CMIP: variants seen among roughly 807,000 people sequenced by gnomAD.
CMIP encodes c-Maf inducing protein.
Under a neutral mutation model 97.3 loss-of-function variants are expected in CMIP, and 13 were observed. The observed-to-expected ratio is 0.13, with a 90% CI of 0.09 to 0.21. CMIP has a LOEUF of 0.21. CMIP is among the 10% of genes least tolerant of loss of function. The pLI is 1.00. For missense variants in CMIP, 847 were observed against 1,024.9 expected, an observed-to-expected ratio of 0.83 and a Z score of 2.37; for synonymous variants, 538 against 436.3, an observed-to-expected ratio of 1.23 and a Z score of -2.91.
At chr16:81,535,939 C>T (rs975995496) in intron 1 of CMIP, among the ~76,000 whole-genome samples, 1 of 152,194 alleles carries the variant, frequency 6.6e-6, no homozygotes, top group African/African-American at 2.4e-5. Flanking sequence ...GCGAGAGCAT[C>T]TTGGATCTCC....
rs200858597 is a variant in CMIP at position 81,664,251 on chromosome 16, A to T, written c.745-18A>T. On this transcript the variant is annotated intron_variant, in intron 6 of 20. Coordinates refer to ENST00000537098, the MANE Select transcript of CMIP (RefSeq NM_198390.3). Reference sequence around the variant, plus strand: ...ACATTCTTAGGGCCGCAGTAACTGTACCCCACTCTGTCCCCAGCACTGCAG... The same window carrying T: ...ACATTCTTAGGGCCGCAGTAACTGTTCCCCACTCTGTCCCCAGCACTGCAG... The T allele has an allele frequency of 1.2e-3, 1,902 of 1,583,866 alleles. 5 individuals are homozygous for T. Among genetic ancestry groups the T allele is most frequent in the South Asian group, 3.2e-3 (272 of 85,948 alleles).
At chr16:81,606,003 C>A (rs1363139806) in intron 1 of CMIP, among the ~76,000 whole-genome samples, 1 of 152,246 alleles carries the variant, frequency 6.6e-6, no homozygotes, top group Non-Finnish European at 1.5e-5. Flanking sequence ...TCAACCCTCT[C>A]TACCTCCACC....
intron 9 of CMIP, among the ~76,000 whole-genome samples, chr16:81,677,510 G>A (rs1380760131): frequency 1.3e-5 from 2 of 152,172 alleles, no homozygotes; most frequent in Non-Finnish European, 2.9e-5. Flanking sequence ...AGGCAACTGG[G>A]CACGTTGGGA....
intron 1 of CMIP, among the ~76,000 whole-genome samples, chr16:81,577,029 C>T (rs2091201051): frequency 1.4e-5 from 2 of 144,162 alleles, no homozygotes; most frequent in African/African-American, 2.8e-5. Context: ...TCACTATCAC[C>T]ATCACCATCA....
At chr16:81,473,173 C>A (rs1190986884) in intron 1 of CMIP, among the ~76,000 whole-genome samples, 2 of 152,264 alleles carry the variant, frequency 1.3e-5, no homozygotes, top group Non-Finnish European at 2.9e-5. Context: ...CTGGTGGCCA[C>A]CGCCTGCAAG....
intron 14 of CMIP, among the ~76,000 whole-genome samples, chr16:81,698,686 C>T (rs957374986): frequency 6.6e-6 from 1 of 152,286 alleles, no homozygotes; most frequent in East Asian, 1.9e-4. Context: ...TGTTGTAACA[C>T]AACCATCACC....
chr16:81,693,467 G>A lies in CMIP; in HGVS notation c.1510G>A (p.Ala504Thr), dbSNP rs376104749. 24 of 1,612,420 alleles carry A rather than the reference G, an allele frequency of 1.5e-5. No homozygotes were observed. The highest frequency in any genetic ancestry group is 2.2e-5 in the South Asian group (2 of 90,780). Residue 504 changes from alanine (A) to threonine (T), a missense_variant, in exon 13 of 21, where the codon GCC (alanine) becomes ACC (threonine). Around this residue, in one of 4 missense-constraint regions of CMIP, gnomAD observed 266 missense variants for 384.2 expected, o/e 0.69. Transcript: ENST00000537098. ...KELKYVIQRF[A>T]EDPRQEVHSC... is the part of the protein sequence containing the mutation. Reference sequence around the variant, plus strand: ...ACTGAAGTACGTGATTCAGAGGTTCGCCGAAGACCCCAGGCAAGAGGTGAG... The same window carrying A: ...ACTGAAGTACGTGATTCAGAGGTTCACCGAAGACCCCAGGCAAGAGGTGAG...
chr16:81,534,643 TA>T (rs66515043), intron 1 of CMIP, among the ~76,000 whole-genome samples: 60,131 of 146,598 alleles, frequency 0.41, 13,268 homozygotes, highest in Non-Finnish European at 0.51. Flanking sequence ...ACATTCCCCA[TA>T]AAAAAAAAAA....
intron 1 of CMIP, among the ~76,000 whole-genome samples, chr16:81,566,052 G>A (rs2090977820): frequency 6.6e-6 from 1 of 152,232 alleles, no homozygotes; most frequent in South Asian, 2.1e-4. Context: ...CTGAAATTGG[G>A]CAGCGGGGGA....
intron 1 of CMIP, among the ~76,000 whole-genome samples, chr16:81,595,930 C>T (rs756169016): frequency 1.3e-5 from 2 of 152,194 alleles, no homozygotes; most frequent in Non-Finnish European, 2.9e-5. Context: ...TCATACTTAA[C>T]TTTTCGAAGA....
intron 1 of CMIP, chr16:81,476,301 A>G (rs1907913862): frequency 1.3e-6 from 2 of 1,553,650 alleles, no homozygotes. Context: ...ACTTGCCACC[A>G]GTGCCATTAC....
intron 1 of CMIP, among the ~76,000 whole-genome samples, chr16:81,552,046 G>A (rs1383434028): frequency 6.6e-6 from 1 of 152,166 alleles, no homozygotes; most frequent in Non-Finnish European, 1.5e-5. Context: ...GGAGGACTGG[G>A]GAGCCCAGCG....
At chr16:81,709,176 G>C (rs571191338) in intron 20 of CMIP, among the ~76,000 whole-genome samples, 1 of 152,310 alleles carries the variant, frequency 6.6e-6, no homozygotes, top group African/African-American at 2.4e-5. Context: ...CAAGTGGGAA[G>C]AATCTAAGCC....
At chr16:81,700,193 C>T (rs896210713) in intron 15 of CMIP, among the ~76,000 whole-genome samples, 1 of 152,074 alleles carries the variant, frequency 6.6e-6, no homozygotes, top group African/African-American at 2.4e-5. Context: ...TTGGGTTAGC[C>T]CCAAGGCTTC....
At chr16:81,703,378 G>A (rs1907635507) in intron 17 of CMIP, among the ~76,000 whole-genome samples, 1 of 152,074 alleles carries the variant, frequency 6.6e-6, no homozygotes, top group African/African-American at 2.4e-5. Context: ...GCATGCGCTG[G>A]TGTCTTCAGG....
intron 1 of CMIP, among the ~76,000 whole-genome samples, chr16:81,536,334 T>C (rs2150831310): frequency 6.6e-6 from 1 of 152,112 alleles, no homozygotes; most frequent in South Asian, 2.1e-4. Flanking sequence ...GCAGGGAGGG[T>C]GTGCCCTGGA....
chr16:81,510,140 C>T (rs1034054865), intron 1 of CMIP, among the ~76,000 whole-genome samples: 9 of 152,140 alleles, frequency 5.9e-5, no homozygotes, highest in Non-Finnish European at 1.2e-4. Flanking sequence ...AAGGTATTGA[C>T]GACAGTGACG....
At chr16:81,698,476 G>A (rs993281388) in intron 14 of CMIP, among the ~76,000 whole-genome samples, 4 of 152,304 alleles carry the variant, frequency 2.6e-5, no homozygotes, top group East Asian at 3.9e-4. Context: ...GCTTCGTCAC[G>A]TCCCCTACCC....
chr16:81,656,706 C>T (rs939050088), intron 4 of CMIP, among the ~76,000 whole-genome samples: 18 of 152,234 alleles, frequency 1.2e-4, no homozygotes, highest in African/African-American at 4.3e-4. Flanking sequence ...GGCACAATCT[C>T]AGCTCACTGC....
Sources: allele counts gnomAD v4.1 joint callset (sites outside exome capture counted in the v4.1 genomes callset), GRCh38; gene constraint gnomAD v4.1.1; regional missense constraint gnomAD v4.1.1; transcripts MANE v1.5; gene names NCBI Gene and HGNC (gene_info 2026-07-23, HGNC 2026-07-21).